CBFA2T3: variants seen among roughly 807,000 people sequenced by gnomAD.
The protein encoded by CBFA2T3 is transcriptional corepressor CBFA2T3.
A neutral mutation model predicts 58.6 loss-of-function variants in CBFA2T3; 31 were observed. The ratio of observed to expected loss-of-function variants is 0.53; its 90% confidence interval spans 0.40 to 0.71. The LOEUF is 0.71. Among genes scored for constraint, CBFA2T3 ranks in the 30% least tolerant of loss-of-function variants. CBFA2T3 has a pLI of 0.00. For missense variants in CBFA2T3, 1,076 were observed against 963.1 expected (o/e 1.12, Z -1.55); for synonymous variants, 531 against 421.9 (o/e 1.26, Z -3.17).
rs149408876 is a variant in CBFA2T3, at chr16:88,924,473, C to A, written c.152-22817G>T. Among the ~76,000 whole-genome samples, 495 of 152,224 alleles carry A rather than the reference C, an allele frequency of 3.3e-3. 1 individual carries two copies. Among genetic ancestry groups the A allele is most frequent in the African/African-American group, 0.011 (471 of 41,540 alleles). The stretch of plus-strand genomic sequence containing the variant: ...GCGATGGCTGGGATGGCCTTGGAGA[C>A]GGGTCCAGCAATGGGCAGACACAGG... On this transcript the variant is annotated intron_variant, in intron 1 of 11. Coordinates refer to ENST00000268679, the MANE Select transcript of CBFA2T3 (RefSeq NM_005187.6).
chr16:88,892,520 T>G (rs772498570), intron 3 of CBFA2T3, 35 bp from the exon 4 acceptor site: 1 of 1,607,348 alleles, frequency 6.2e-7, no homozygotes, highest in South Asian at 1.1e-5. Flanking sequence ...GACACAAAGG[T>G]GATGGTGACA....
chr16:88,970,543 C>T lies in CBFA2T3; in HGVS notation c.151+6114G>A, dbSNP rs57177451. 7.8e-3 allele frequency among the ~76,000 whole-genome samples: 1,191 copies of T among 152,300 alleles called. 17 individuals carry two copies. The highest frequency in any genetic ancestry group is 0.028 in the African/African-American group (1,155 of 41,564). ...GATTTGTGTCCTCATCTGAGGTCAG[C>T]GATGCCCTTGAAGTGTTGCCGGGTG... On this transcript the variant is annotated intron_variant, in intron 1 of 11. Transcript: ENST00000268679.
At chr16:88,888,271 C>T (rs1247666932) in intron 5 of CBFA2T3, among the ~76,000 whole-genome samples, 1 of 150,246 alleles carries the variant, frequency 6.7e-6, no homozygotes, top group African/African-American at 2.5e-5. Context: ...GTGAGAGTAC[C>T]CCAGACTGGG....
chr16:88,976,626 C>T (rs776301311), intron 1 of CBFA2T3, 31 bp downstream of exon 1: 6 of 1,507,184 alleles, frequency 4.0e-6, no homozygotes, highest in South Asian at 3.6e-5. Context: ...TCTCTGCCCC[C>T]ACCCCACCAC....
rs117952242 is a variant in CBFA2T3 at position 88,950,009 on chromosome 16, A to C, written c.151+26648T>G. Among the ~76,000 whole-genome samples, 288 of 152,220 alleles carry C rather than the reference A, an allele frequency of 1.9e-3. 1 individual carries two copies. The highest frequency in any genetic ancestry group is 3.5e-3 in the Non-Finnish European group (240 of 68,006). On this transcript the variant is annotated intron_variant, in intron 1 of 11. Coordinates refer to ENST00000268679, the MANE Select transcript of CBFA2T3 (RefSeq NM_005187.6). ...GGGTGACAGAGATTCTGTCTGAAAA[A>C]AAAGAAAAGAAAACGAAGGAACGAA...
chr16:88,883,182 G>A, intron 7 of CBFA2T3: 1 of 264,126 alleles, frequency 3.8e-6, no homozygotes, highest in South Asian at 3.9e-5. Flanking sequence ...GTGGCCTGAG[G>A]ATGCCTCAGT....
rs112904484 is a variant in CBFA2T3, at chr16:88,898,702, G to A, written c.305-550C>T. 2.0e-3 allele frequency among the ~76,000 whole-genome samples: 311 copies of A among 152,296 alleles called. 2 individuals are homozygous for A. The highest frequency in any genetic ancestry group is 6.8e-3 in the African/African-American group (282 of 41,552). ...AGTCTCTGAAACAAAGCCCTGGGTC[G>A]GCACTGGAGGAGGAAGCACCAAACA... On this transcript the variant is annotated intron_variant, in intron 2 of 11. Transcript: ENST00000268679.
Position 88,881,484 on chromosome 16 carries a change from C to A in CBFA2T3, c.1209G>T (p.Leu403=). The A allele has an allele frequency of 6.2e-7, 1 of 1,601,992 alleles. No individual in the cohort carries two copies. The highest frequency in any genetic ancestry group is 8.5e-7 in the Non-Finnish European group (1 of 1,172,396). Residue 403 remains leucine, a synonymous_variant, in exon 9 of 12, where the codon CTG becomes CTT. Transcript: ENST00000268679. Reference sequence around the variant, plus strand: ...TCTCCACCATGTCCATGATGCAGTTCAGGAGCTGGGGGCGGGCGGCGCAGC... The same window carrying A: ...TCTCCACCATGTCCATGATGCAGTTAAGGAGCTGGGGGCGGGCGGCGCAGC... The part of the protein sequence containing the change: ...AEEWKHLNNL[L]NCIMDMVEKT...
In CBFA2T3 at chr16:88,901,509, T is replaced by C; in HGVS notation, c.299A>G (p.His100Arg). The change falls in exon 2 of 12, where the codon CAC becomes CGC. Residue 100 changes from histidine to arginine, a missense_variant. By Grantham distance (29) the His-to-Arg change is conservative. Coordinates refer to ENST00000268679, the MANE Select transcript of CBFA2T3 (RefSeq NM_005187.6). Reference sequence around the variant, plus strand: ...GCCAGGTGGGGGCTACTTACGTGTGTGTGGCGTGAAGGAGGGGGGGCGTGT... The same window carrying C: ...GCCAGGTGGGGGCTACTTACGTGTGCGTGGCGTGAAGGAGGGGGGGCGTGT... ...GATRPPSFTPHTHREDGPATL... is the reference protein window; with the variant it reads ...GATRPPSFTPRTHREDGPATL... 1 of 1,469,976 alleles carries C rather than the reference T, an allele frequency of 6.8e-7. No individual in the cohort carries two copies. The highest frequency in any genetic ancestry group is 9.0e-7 in the Non-Finnish European group (1 of 1,113,316). The allele number at this position is 1,469,976 out of a possible 1,614,324, so 91.1% of individuals were successfully genotyped here. A position where few individuals can be genotyped will look rare whatever the true frequency, so the allele number is the denominator to read the frequency against.
intron 2 of CBFA2T3, among the ~76,000 whole-genome samples, chr16:88,899,208 C>T (rs1037894610): frequency 6.6e-6 from 1 of 152,124 alleles, no homozygotes; most frequent in South Asian, 2.1e-4. Context: ...GAGGCCAGTC[C>T]CCGGGGAGGA....
At chr16:88,901,783 G>A in intron 1 of CBFA2T3, 127 bp from the exon 2 acceptor site, 1 of 812,810 alleles carries the variant, frequency 1.2e-6, no homozygotes, top group South Asian at 2.1e-5. Context: ...GTCTGCCCCA[G>A]GTGTCCTGAC....
rs910882343 is a variant in CBFA2T3, at chr16:88,898,002, C to A, written c.379+76G>T. 53 of 1,069,900 alleles carry A rather than the reference C, an allele frequency of 5.0e-5. No individual in the cohort carries two copies. In the African/African-American group the frequency reaches 7.5e-4, roughly 15 times the overall value. 66.3% of individuals were successfully genotyped at this position (1,069,900 alleles called of 1,614,324 possible). ...GGAGGAGAGCTGAGCGCCCCCAGGG[C>A]AGCAGTGTTGGGCCAGCTGAGGATG... On this transcript the variant is annotated intron_variant, in intron 3 of 11. Coordinates refer to ENST00000268679, the MANE Select transcript of CBFA2T3 (RefSeq NM_005187.6).
chr16:88,877,507 C>T (rs978955728), intron 11 of CBFA2T3, among the ~76,000 whole-genome samples: 5 of 152,200 alleles, frequency 3.3e-5, no homozygotes, highest in South Asian at 2.1e-4. Flanking sequence ...GATAGGTCTG[C>T]GCTGTGCTAA....
At chr16:88,879,649 C>G in intron 10 of CBFA2T3, 189 bp from the exon 11 acceptor site, 1 of 576,550 alleles carries the variant, frequency 1.7e-6, no homozygotes. Flanking sequence ...TGTGCACACA[C>G]AGACACACGT....
At chr16:88,882,473 G>A (rs1969141161) in intron 8 of CBFA2T3, among the ~76,000 whole-genome samples, 1 of 145,114 alleles carries the variant, frequency 6.9e-6, no homozygotes, top group Non-Finnish European at 1.6e-5. Context: ...GTGCGTGGGG[G>A]TGGCTGTGTG....
chr16:88,931,100 C>T (rs1324610883), intron 1 of CBFA2T3, among the ~76,000 whole-genome samples: 1 of 152,114 alleles, frequency 6.6e-6, no homozygotes, highest in East Asian at 1.9e-4. Flanking sequence ...AGGGACCCAT[C>T]CACGTTGCTA....
intron 11 of CBFA2T3, 64 bp downstream of exon 11, chr16:88,879,206 G>T: frequency 7.2e-7 from 1 of 1,385,316 alleles, no homozygotes; most frequent in Non-Finnish European, 9.9e-7. Context: ...CCTCATGGGG[G>T]TGGCGTGGGA....
chr16:88,973,988 G>T (rs1041495784), intron 1 of CBFA2T3, among the ~76,000 whole-genome samples: 2 of 152,038 alleles, frequency 1.3e-5, no homozygotes, highest in African/African-American at 4.8e-5. Context: ...ACCTCCCCGA[G>T]ATCCCACGTC....
intron 1 of CBFA2T3, among the ~76,000 whole-genome samples, chr16:88,974,158 T>G (rs1041442813): frequency 1.4e-4 from 22 of 152,196 alleles, no homozygotes; most frequent in African/African-American, 5.3e-4. Context: ...TTCCCATCCC[T>G]CTCTCCTGAG....
Sources: allele counts gnomAD v4.1 joint callset (sites outside exome capture counted in the v4.1 genomes callset), GRCh38; gene constraint gnomAD v4.1.1; transcripts MANE v1.5; gene names NCBI Gene and HGNC (gene_info 2026-07-23, HGNC 2026-07-21).